The following BEST2 variants were observed in gnomAD, a reference collection of about 807,000 sequenced individuals.
BEST2 encodes bestrophin-2a.
In BEST2, 36 loss-of-function variants were observed where a neutral mutation model predicts 49.0. The observed-to-expected ratio is 0.73, with a 90% CI of 0.56 to 0.97. The LOEUF is 0.97. Among genes scored for constraint, BEST2 ranks in the 50% least tolerant of loss-of-function variants. BEST2 has a pLI of 0.00. For synonymous variants in BEST2, 335 were observed against 304.4 expected (o/e 1.10, Z -1.05); for missense variants, 672 against 710.0 (o/e 0.95, Z 0.61).
chr19:12,754,661 C>T lies in BEST2; in HGVS notation c.357C>T (p.Asp119=), dbSNP rs1967914538. 4 of 1,559,606 alleles carry T rather than the reference C, an allele frequency of 2.6e-6. No individual in the cohort carries two copies. The highest frequency in any genetic ancestry group is 3.5e-6 in the Non-Finnish European group (4 of 1,151,558). ...CGGGCACCGTGCACGGACGCGACGA[C>T]CGCGGCCGCCTCTACCGGCGCACAC... ...VVAGTVHGRD[D]RGRLYRRTLM... Residue 119 remains aspartate, a synonymous_variant, in exon 4 of 10, where the codon GAC becomes GAT. Coordinates refer to ENST00000553030, the MANE Select transcript of BEST2 (RefSeq NM_017682.3).
Position 12,754,778 on chromosome 19 carries a change from G to A in BEST2, c.474G>A (p.Val158=). 1.3e-6 allele frequency: 2 copies of A among 1,581,250 alleles called. No homozygotes were observed. The highest frequency in any genetic ancestry group is 1.7e-6 in the Non-Finnish European group (2 of 1,163,214). ...FKRFPTIDHV[V]EAGFMTREER... Reference sequence around the variant, plus strand: ...GCTTCCCCACCATAGACCACGTGGTGGAGGCTGGTGAGTACTCGGCCAGAG... The same window carrying A: ...GCTTCCCCACCATAGACCACGTGGTAGAGGCTGGTGAGTACTCGGCCAGAG... The change falls in exon 4 of 10, where the codon GTG becomes GTA. Residue 158 remains valine, a synonymous_variant. Coordinates refer to ENST00000553030, the MANE Select transcript of BEST2 (RefSeq NM_017682.3).
Position 12,757,686 on chromosome 19 carries a change from A to G in BEST2, c.1139A>G (p.Asp380Gly). 1 of 1,544,732 alleles carries G rather than the reference A, an allele frequency of 6.5e-7. No homozygotes were observed. Among genetic ancestry groups the G allele is most frequent in the Non-Finnish European group, 8.7e-7 (1 of 1,149,096 alleles). ...GAAGACATGCAGTTCCAGCGGCTGG[A>G]CGGCTTGGATGGACCGATGGGAGAG... The part of the protein sequence containing the change: ...AKEDMQFQRL[D>G]GLDGPMGEAP... The change falls in exon 10 of 10, where the codon GAC (aspartate) becomes GGC (glycine). Residue 380 changes from aspartate (D) to glycine (G), a missense_variant. By Grantham distance (94) the Asp-to-Gly change is moderately conservative (BLOSUM62 -1). Coordinates refer to ENST00000553030, the MANE Select transcript of BEST2 (RefSeq NM_017682.3).
Position 12,755,256 on chromosome 19 carries a change from ACCC to A in BEST2, c.637-120_637-118del, listed in dbSNP as rs1347208376. On this transcript the variant is annotated intron_variant, in intron 5 of 9. Transcript: ENST00000553030. This position sits in a 1 kb window ranked among gnomAD's most constrained non-coding sequence, Gnocchi z 4.4. ...CTCACCACCAAATACCCTCCCTGGA[ACCC>A]CCAAAGCACACTCCCAATTCCCACC... The A allele has an allele frequency of 8.8e-7, 1 of 1,135,160 alleles. No homozygotes were observed. The highest frequency in any genetic ancestry group is 1.3e-6 in the Non-Finnish European group (1 of 771,546). 70.3% of individuals were successfully genotyped at this position (1,135,160 alleles called of 1,614,324 possible).
chr19:12,753,155 G>A (rs754853705), intron 2 of BEST2, 105 bp from the exon 3 acceptor site: 93 of 1,187,274 alleles, frequency 7.8e-5, no homozygotes, highest in Middle Eastern at 5.0e-4. Flanking sequence ...CCGGCTGGGG[G>A]CAGCTATTAT....
Position 12,754,901 on chromosome 19 carries a change from A to G in BEST2, c.506A>G (p.Lys169Arg). ...GGGTTTATGACCCGCGAGGAGCGCAAGAAGTTTGAAAACCTGAACTCATCC... is the reference window on the plus strand; with the variant it reads ...GGGTTTATGACCCGCGAGGAGCGCAGGAAGTTTGAAAACCTGAACTCATCC... ...EAGFMTREERKKFENLNSSYN... is the reference protein window; with the variant it reads ...EAGFMTREERRKFENLNSSYN... The change falls in exon 5 of 10, where the codon AAG becomes AGG. Residue 169 changes from lysine (K) to arginine (R), a missense_variant. Transcript: ENST00000553030. 6.2e-7 allele frequency: 1 copy of G among 1,613,512 alleles called. No homozygotes were observed. Among genetic ancestry groups the G allele is most frequent in the Non-Finnish European group, 8.5e-7 (1 of 1,179,746 alleles).
chr19:12,754,304 C>A (rs1967907778), intron 3 of BEST2, among the ~76,000 whole-genome samples: 1 of 151,940 alleles, frequency 6.6e-6, no homozygotes, highest in Non-Finnish European at 1.5e-5. Flanking sequence ...AAACTCCTGA[C>A]CTCATGATCC....
chr19:12,757,571 C>A, intron 9 of BEST2, 80 bp from the exon 10 acceptor site: 1 of 1,435,996 alleles, frequency 7.0e-7, no homozygotes, highest in South Asian at 1.3e-5. Flanking sequence ...TGGGTGGAGT[C>A]AGGGAAATCA....
Position 12,752,753 on chromosome 19 carries a change from G to A in BEST2, c.152+9G>A, listed in dbSNP as rs1026034956. On this transcript the variant is annotated intron_variant, in intron 2 of 9. Coordinates refer to ENST00000553030, the MANE Select transcript of BEST2 (RefSeq NM_017682.3). ...CTGAGTGCTGCCTACCGGTGAGGCT[G>A]CCCTGAGGTGCTCATGTTCTAGCGG... 1 of 1,606,832 alleles carries A rather than the reference G, an allele frequency of 6.2e-7. No individual in the cohort carries two copies. Among genetic ancestry groups the A allele is most frequent in the South Asian group, 1.1e-5 (1 of 90,462 alleles).
Position 12,757,883 on chromosome 19 carries a change from T to G in BEST2, c.1336T>G (p.Cys446Gly), listed in dbSNP as rs1599460012. Residue 446 changes from cysteine (C) to glycine (G), a missense_variant, in exon 10 of 10, where the codon TGC becomes GGC. Around this residue, in one of 3 missense-constraint regions of BEST2, gnomAD observed 291 missense variants for 279.8 expected, o/e 1.04. Coordinates refer to ENST00000553030, the MANE Select transcript of BEST2 (RefSeq NM_017682.3). ...AVVPEGAAPE[C>G]SCGDPLLDPG... The stretch of plus-strand genomic sequence containing the variant: ...TGTCCCCGAAGGCGCGGCCCCGGAG[T>G]GCAGCTGCGGGGACCCGCTGCTCGA... 6.4e-7 allele frequency: 1 copy of G among 1,550,518 alleles called. No individual in the cohort carries two copies.
At chr19:12,753,707 C>T (rs1002123241) in intron 3 of BEST2, among the ~76,000 whole-genome samples, 3 of 152,100 alleles carry the variant, frequency 2.0e-5, no homozygotes, top group Non-Finnish European at 4.4e-5. Context: ...GGACTCCATC[C>T]TCTCAATTCC....
In BEST2 at chr19:12,755,517, G is replaced by A; in HGVS notation, c.714+61G>A. ...AGTGGCCCTGATGCCTGGTTTCCAA[G>A]GGGAAACCAAGAACTAGCTAAGACC... On this transcript the variant is annotated intron_variant, in intron 6 of 9. Coordinates refer to ENST00000553030, the MANE Select transcript of BEST2 (RefSeq NM_017682.3). The surrounding 1 kb of genome is among the most constrained non-coding windows in gnomAD (Gnocchi z 4.4). 14 of 1,607,670 alleles carry A rather than the reference G, an allele frequency of 8.7e-6. No homozygotes were observed. Among genetic ancestry groups the A allele is most frequent in the Non-Finnish European group, 1.1e-5 (13 of 1,174,300 alleles).
Position 12,757,834 on chromosome 19 carries a change from T to C in BEST2, c.1287T>C (p.Thr429=). The change falls in exon 10 of 10, where the codon ACT becomes ACC. Residue 429 remains threonine (T), a synonymous_variant. Coordinates refer to ENST00000553030, the MANE Select transcript of BEST2 (RefSeq NM_017682.3). ...RKNSCVSEAS[T]GASCSCAVVP... is the part of the protein sequence containing the mutation. The stretch of plus-strand genomic sequence containing the variant: ...ACAGCTGCGTGTCGGAGGCGTCTAC[T>C]GGGGCCAGCTGCTCATGCGCGGTTG... 1 of 1,549,178 alleles carries C rather than the reference T, an allele frequency of 6.5e-7. No homozygotes were observed. The highest frequency in any genetic ancestry group is 8.7e-7 in the Non-Finnish European group (1 of 1,146,660).
intron 3 of BEST2, 47 bp downstream of exon 3, chr19:12,753,401 C>T (rs761196750): frequency 2.2e-5 from 34 of 1,560,216 alleles, no homozygotes; most frequent in Non-Finnish European, 2.7e-5. Context: ...CTGAGAAACC[C>T]ATATCCATTC....
Position 12,755,718 on chromosome 19 carries a change from T to C in BEST2, c.818T>C (p.Val273Ala), listed in dbSNP as rs753951285. 2 of 1,614,130 alleles carry C rather than the reference T, an allele frequency of 1.2e-6. No homozygotes were observed. The highest frequency in any genetic ancestry group is 2.2e-5 in the East Asian group (1 of 44,874). ...GYKDHDLDLC[V>A]PIFTLLQFFF... ...AAAGACCACGACCTAGACCTGTGTG[T>C]GCCCATCTTCACCCTCTTGCAGTTC... Residue 273 changes from valine to alanine, a missense_variant, in exon 7 of 10, where the codon GTG becomes GCG. Physicochemically the swap from Val to Ala is moderately conservative, Grantham distance 64. Coordinates refer to ENST00000553030, the MANE Select transcript of BEST2 (RefSeq NM_017682.3). The surrounding 1 kb of genome is among the most constrained non-coding windows in gnomAD (Gnocchi z 4.4).
Position 12,757,765 on chromosome 19 carries a change from G to C in BEST2, c.1218G>C (p.Ala406=), listed in dbSNP as rs928289660. ...TGCCGGCGGGCGCGGGCATGGTCGC[G>C]GGAGGCCCGCTGGGCCGGCGCCTGT... The part of the protein sequence containing the change: ...RLLPAGAGMV[A]GGPLGRRLSF... The change falls in exon 10 of 10, where the codon GCG becomes GCC. Residue 406 remains alanine (A), a synonymous_variant. Transcript: ENST00000553030. 1 of 1,545,016 alleles carries C rather than the reference G, an allele frequency of 6.5e-7. No homozygotes were observed. The highest frequency in any genetic ancestry group is 1.2e-5 in the South Asian group (1 of 83,946).
In BEST2 at chr19:12,757,892, G is replaced by T; in HGVS notation, c.1345G>T (p.Gly449Trp). 1.3e-6 allele frequency: 2 copies of T among 1,552,146 alleles called. No homozygotes were observed. Among genetic ancestry groups the T allele is most frequent in the Non-Finnish European group, 1.7e-6 (2 of 1,149,246 alleles). ...AGGCGCGGCCCCGGAGTGCAGCTGCGGGGACCCGCTGCTCGACCCCGGCCT... is the reference window on the plus strand; with the variant it reads ...AGGCGCGGCCCCGGAGTGCAGCTGCTGGGACCCGCTGCTCGACCCCGGCCT... Reference protein sequence around the residue: ...PEGAAPECSCGDPLLDPGLPE... With the variant: ...PEGAAPECSCWDPLLDPGLPE... Residue 449 changes from glycine (G) to tryptophan (W), a missense_variant, in exon 10 of 10, where the codon GGG becomes TGG. Physicochemically the swap from Gly to Trp is radical, Grantham distance 184. Transcript: ENST00000553030.
In BEST2 at chr19:12,754,461, G is replaced by A. The variant is rs916406253; in HGVS notation, c.248-91G>A. ...AGCACGCTCGGGTTTCCCTGATGCA[G>A]ACCTTACGTTGCCCCCTCTCCCACA... On this transcript the variant is annotated intron_variant, in intron 3 of 9. Transcript: ENST00000553030. 2.7e-5 allele frequency: 30 copies of A among 1,117,944 alleles called. No homozygotes were observed. The African/African-American group carries it at 4.3e-4, about 16-fold the overall frequency. The allele number at this position is 1,117,944 out of a possible 1,614,324, so 69.3% of individuals were successfully genotyped here.
In BEST2 at chr19:12,755,295, C is replaced by A. The variant is rs1967927170; in HGVS notation, c.637-84C>A. The A allele has an allele frequency of 1.4e-6, 2 of 1,429,406 alleles. No homozygotes were observed. The highest frequency in any genetic ancestry group is 2.3e-5 in the South Asian group (2 of 86,122). The allele number at this position is 1,429,406 out of a possible 1,614,324, so 88.5% of individuals were successfully genotyped here. A position where few individuals can be genotyped will look rare whatever the true frequency, so the allele number is the denominator to read the frequency against. ...CTCCCAATTCCCACCAGGTGACCAC[C>A]CACCTCCATCCCACGTACCTACACT... On this transcript the variant is annotated intron_variant, in intron 5 of 9. Transcript: ENST00000553030. This position sits in a 1 kb window ranked among gnomAD's most constrained non-coding sequence, Gnocchi z 4.4.
At position 12,757,931 on chromosome 19, in the gene BEST2, GCCCCGC is replaced by G; in HGVS notation, c.1389_1394del (p.Pro464_Pro465del). The G allele has an allele frequency of 6.4e-7, 1 of 1,574,416 alleles. No homozygotes were observed. The highest frequency in any genetic ancestry group is 1.2e-5 in the South Asian group (1 of 86,524). ...CGACCCCGGCCTGCCGGAGCCCGAG[GCCCCGC>G]CCCCTGCGGGTCCCGAACCGCTTAC... is the stretch of plus-strand genomic sequence containing the variant. On this transcript the variant is annotated inframe_deletion, in exon 10 of 10. Transcript: ENST00000553030.
Sources: allele counts gnomAD v4.1 joint callset (sites outside exome capture counted in the v4.1 genomes callset), GRCh38; gene constraint gnomAD v4.1.1; regional missense constraint gnomAD v4.1.1; non-coding constraint Gnocchi (gnomAD v3.1); transcripts MANE v1.5; gene names NCBI Gene and HGNC (gene_info 2026-07-23, HGNC 2026-07-21).